Variants in APBB2 observed in about 807,000 individuals in gnomAD.
APBB2 encodes the protein amyloid beta precursor protein binding family B member 2, also known as Fe65-like 1.
Under a neutral mutation model 82.5 loss-of-function variants are expected in APBB2, and 38 were observed. That is an observed-to-expected ratio of 0.46 (90% CI 0.36 to 0.60). APBB2 has a LOEUF of 0.60. Ranked by LOEUF, APBB2 falls within the 20% of genes least tolerant of loss-of-function variation. The pLI, the probability that APBB2 is intolerant of heterozygous loss-of-function variation, is 0.00. For synonymous variants in APBB2, 341 were observed against 368.2 expected, an observed-to-expected ratio of 0.93 and a Z score of 0.85; for missense variants, 772 against 972.3, an observed-to-expected ratio of 0.79 and a Z score of 2.74.
chr4:41,179,144 C>T (rs7659645), intron 1 of APBB2, among the ~76,000 whole-genome samples: 60,420 of 152,032 alleles, frequency 0.4, 12,785 homozygotes, highest in African/African-American at 0.55. Context: ...AATACAATGA[C>T]GAACACTTGC....
At chr4:41,203,410 T>C (rs924779879) in intron 1 of APBB2, among the ~76,000 whole-genome samples, 2 of 152,138 alleles carry the variant, frequency 1.3e-5, no homozygotes, top group African/African-American at 2.4e-5. Flanking sequence ...TTTTTGAAAA[T>C]GACAGTGATC....
At chr4:41,084,085 A>C (rs963888026) in intron 3 of APBB2, among the ~76,000 whole-genome samples, 1 of 152,224 alleles carries the variant, frequency 6.6e-6, no homozygotes, top group Non-Finnish European at 1.5e-5. Context: ...ATTAATAGTG[A>C]CTAGATAACA....
intron 12 of APBB2, among the ~76,000 whole-genome samples, chr4:40,872,594 T>C (rs1377183742): frequency 1.3e-5 from 2 of 152,016 alleles, no homozygotes; most frequent in Non-Finnish European, 2.9e-5. Flanking sequence ...ACTTAACACA[T>C]GGGTATCCAA....
chr4:40,945,227 G>T (rs1412406777), intron 6 of APBB2, among the ~76,000 whole-genome samples, 154 bp from the exon 7 acceptor site: 1 of 152,146 alleles, frequency 6.6e-6, no homozygotes, highest in South Asian at 2.1e-4. Context: ...CCATACTGAT[G>T]TGTGTGGCTG....
intron 12 of APBB2, among the ~76,000 whole-genome samples, chr4:40,837,632 TG>T (rs1754416140): frequency 6.6e-6 from 1 of 152,258 alleles, no homozygotes; most frequent in Admixed American, 6.5e-5. Flanking sequence ...GACCCGTTTC[TG>T]CTCTCTGCTC....
chr4:40,932,784 G>T (rs574283361), intron 10 of APBB2, among the ~76,000 whole-genome samples: 4 of 152,328 alleles, frequency 2.6e-5, no homozygotes, highest in African/African-American at 9.6e-5. Context: ...CAAAAAGCAG[G>T]GGGAAGACGC....
At chr4:41,179,275 C>T (rs1199571090) in intron 1 of APBB2, among the ~76,000 whole-genome samples, 1 of 152,212 alleles carries the variant, frequency 6.6e-6, no homozygotes, top group Non-Finnish European at 1.5e-5. Context: ...AATACAACTG[C>T]TGCCATTCAC....
chr4:41,025,202 C>T (rs185286648), intron 5 of APBB2, among the ~76,000 whole-genome samples: 61 of 152,180 alleles, frequency 4.0e-4, no homozygotes, highest in Non-Finnish European at 7.8e-4. Flanking sequence ...GAAAAACAAA[C>T]CCATTAAAAA....
intron 2 of APBB2, among the ~76,000 whole-genome samples, chr4:41,106,592 T>C (rs1380420609): frequency 6.6e-6 from 1 of 152,160 alleles, no homozygotes; most frequent in Non-Finnish European, 1.5e-5. Flanking sequence ...TTCTCCTGCC[T>C]CAGCCTCCCA....
intron 10 of APBB2, among the ~76,000 whole-genome samples, chr4:40,909,489 A>C (rs1345161076): frequency 6.6e-6 from 1 of 152,190 alleles, no homozygotes; most frequent in Non-Finnish European, 1.5e-5. Flanking sequence ...TGCCAGAGAC[A>C]CGCCTCCGGG....
At chr4:41,160,020 GAAGAAGAAGAAGAAGAAA>G (rs1307236856) in intron 1 of APBB2, among the ~76,000 whole-genome samples, 79 of 147,534 alleles carry the variant, frequency 5.4e-4, no homozygotes, top group African/African-American at 2.0e-3. Flanking sequence ...AGAAGAAGAA[GAAGAAGAAGAAGAAGAAA>G]ACATCACAGG....
chr4:40,876,517 T>C (rs1221495385), intron 12 of APBB2, among the ~76,000 whole-genome samples: 1 of 152,232 alleles, frequency 6.6e-6, no homozygotes, highest in Non-Finnish European at 1.5e-5. Flanking sequence ...ATTCAGCACG[T>C]TGCTGTATAT....
intron 12 of APBB2, among the ~76,000 whole-genome samples, chr4:40,850,206 A>G (rs1577948958): frequency 6.6e-6 from 1 of 152,130 alleles, no homozygotes; most frequent in East Asian, 1.9e-4. Context: ...AAACTCCTTG[A>G]CTCAAGTGAT....
chr4:41,019,193 A>G (rs1040213960), intron 5 of APBB2, among the ~76,000 whole-genome samples: 1 of 152,202 alleles, frequency 6.6e-6, no homozygotes, highest in Non-Finnish European at 1.5e-5. Context: ...GAGGGACTTT[A>G]TACTTTTTAA....
chr4:41,183,232 G>A (rs942861496), intron 1 of APBB2, among the ~76,000 whole-genome samples: 19 of 152,204 alleles, frequency 1.2e-4, no homozygotes, highest in African/African-American at 4.3e-4. Flanking sequence ...CCATTGTCTC[G>A]CCTGGCTTTT....
At chr4:40,895,434 TG>T (rs1209774257) in intron 10 of APBB2, among the ~76,000 whole-genome samples, 1 of 152,186 alleles carries the variant, frequency 6.6e-6, no homozygotes, top group Non-Finnish European at 1.5e-5. Context: ...AGCCCGATGG[TG>T]AAGAGGAGGT....
rs1744569627 is a variant in APBB2, at chr4:40,812,291, A to G, written c.*3801T>C. On this transcript the variant is annotated 3_prime_UTR_variant, in exon 18 of 18. Coordinates refer to ENST00000508593, the MANE Select transcript of APBB2 (RefSeq NM_004307.2). Reference sequence around the variant, plus strand: ...TATATGTGACTAAGATGTCAGATAAATGAGCCGAACGTTTTATGCAGCTAA... The same window carrying G: ...TATATGTGACTAAGATGTCAGATAAGTGAGCCGAACGTTTTATGCAGCTAA... 1 of 152,234 alleles carries G rather than the reference A, an allele frequency of 6.6e-6. No individual in the cohort carries two copies. The highest frequency in any genetic ancestry group is 1.5e-5 in the Non-Finnish European group (1 of 68,044). 9.4% of individuals were successfully genotyped at this position (152,234 alleles called of 1,614,324 possible).
intron 4 of APBB2, among the ~76,000 whole-genome samples, chr4:41,042,327 G>A (rs4861082): frequency 0.21 from 31,843 of 152,152 alleles, 3,530 homozygotes; most frequent in Middle Eastern, 0.29. Flanking sequence ...ATTAACATCT[G>A]CAATTTAGAA....
chr4:40,826,888 A>C lies in APBB2; in HGVS notation c.1732+244T>G, dbSNP rs1052084821. The stretch of plus-strand genomic sequence containing the variant: ...CAAAATGAAAACGAAGGCAAAAACT[A>C]AAGACAATATTCTTTAATCTTGTCC... On this transcript the variant is annotated intron_variant, in intron 14 of 17. Transcript: ENST00000508593. This position sits in a 1 kb window ranked among gnomAD's most constrained non-coding sequence, Gnocchi z 4.5. 4.8e-6 allele frequency: 2 copies of C among 414,944 alleles called. No individual in the cohort carries two copies. Among genetic ancestry groups the C allele is most frequent in the Non-Finnish European group, 8.6e-6 (2 of 232,734 alleles). 25.7% of individuals were successfully genotyped at this position (414,944 alleles called of 1,614,324 possible).
Sources: gnomAD v4.1 joint callset for allele counts (sites outside exome capture counted in the v4.1 genomes callset) on GRCh38, gnomAD v4.1.1 for gene constraint, Gnocchi (gnomAD v3.1) non-coding constraint, MANE v1.5 for transcripts, NCBI Gene and HGNC (gene_info 2026-07-23, HGNC 2026-07-21) for gene names.